The following MAGI3 variants were observed in gnomAD, a reference collection of about 807,000 sequenced individuals.
MAGI3 encodes membrane-associated guanylate kinase, WW and PDZ domain-containing protein 3.
Under a neutral mutation model 121.8 loss-of-function variants are expected in MAGI3, and 43 were observed. That is an observed-to-expected ratio of 0.35 (90% CI 0.28 to 0.46). The LOEUF is 0.46. Among genes scored for constraint, MAGI3 ranks in the 20% least tolerant of loss-of-function variants. MAGI3 has a pLI of 1.00. For synonymous variants in MAGI3, 553 were observed against 639.3 expected, an observed-to-expected ratio of 0.86 and a Z score of 2.04; for missense variants, 1,547 against 1,797.3, an observed-to-expected ratio of 0.86 and a Z score of 2.52.
At chr1:113,406,792 A>G (rs2101317864) in intron 1 of MAGI3, among the ~76,000 whole-genome samples, 1 of 152,252 alleles carries the variant, frequency 6.6e-6, no homozygotes, top group Non-Finnish European at 1.5e-5. Flanking sequence ...GGAGATAGGT[A>G]GAAAAAATGT....
chr1:113,430,962 G>A (rs1377556027), intron 1 of MAGI3, among the ~76,000 whole-genome samples: 1 of 152,110 alleles, frequency 6.6e-6, no homozygotes, highest in African/African-American at 2.4e-5. Context: ...GATTTAAAAA[G>A]GCATGACAAC....
chr1:113,569,474 T>A (rs1439498588), intron 2 of MAGI3, among the ~76,000 whole-genome samples: 9 of 152,186 alleles, frequency 5.9e-5, no homozygotes, highest in Non-Finnish European at 1.3e-4. Flanking sequence ...ATATTTTAAA[T>A]TAGGACCATT....
chr1:113,493,530 G>T (rs1336243522), intron 1 of MAGI3, among the ~76,000 whole-genome samples: 1 of 152,168 alleles, frequency 6.6e-6, no homozygotes, highest in Non-Finnish European at 1.5e-5. Flanking sequence ...TGACAAATGG[G>T]ATCTAATTAA....
intron 2 of MAGI3, among the ~76,000 whole-genome samples, chr1:113,550,206 C>G (rs1450684398): frequency 6.7e-6 from 1 of 149,364 alleles, no homozygotes; most frequent in Non-Finnish European, 1.5e-5. Flanking sequence ...GTCAGGAGAT[C>G]GAGACCATCT....
chr1:113,479,648 A>G (rs1482324679), intron 1 of MAGI3, among the ~76,000 whole-genome samples: 1 of 151,984 alleles, frequency 6.6e-6, no homozygotes, highest in Non-Finnish European at 1.5e-5. Flanking sequence ...TTTCTTCCAG[A>G]TTTGGGGTGG....
intron 1 of MAGI3, among the ~76,000 whole-genome samples, chr1:113,479,973 T>G (rs899427727): frequency 1.3e-5 from 2 of 152,206 alleles, no homozygotes; most frequent in African/African-American, 4.8e-5. Flanking sequence ...TTTTTTGATT[T>G]TTTTTATTTT....
At chr1:113,461,308 G>A (rs1242616218) in intron 1 of MAGI3, among the ~76,000 whole-genome samples, 3 of 152,064 alleles carry the variant, frequency 2.0e-5, no homozygotes, top group Non-Finnish European at 2.9e-5. Context: ...AGTGCCAGAG[G>A]CATCATGTTA....
At chr1:113,419,105 G>A (rs1188741470) in intron 1 of MAGI3, among the ~76,000 whole-genome samples, 3 of 152,038 alleles carry the variant, frequency 2.0e-5, no homozygotes, top group Admixed American at 6.6e-5. Flanking sequence ...AATGTAAATA[G>A]TTTACATGAT....
intron 2 of MAGI3, among the ~76,000 whole-genome samples, chr1:113,558,812 A>G (rs1008315548): frequency 2.6e-5 from 4 of 152,210 alleles, no homozygotes; most frequent in African/African-American, 9.7e-5. Context: ...GCACAGCCAG[A>G]GAGAAAGGCC....
rs566575227 is a variant in MAGI3, at chr1:113,668,878, G to A, written c.2816-2856G>A. ...ATTACAGGCGTGAGCCACCGCGCCC[G>A]GCCAAAAACATGTAACTTTAAAAGT... is the stretch of plus-strand genomic sequence containing the variant. On this transcript the variant is annotated intron_variant, in intron 16 of 20. Coordinates refer to ENST00000307546, the MANE Select transcript of MAGI3 (RefSeq NM_001142782.2). 4.6e-5 allele frequency among the ~76,000 whole-genome samples: 7 copies of A among 152,176 alleles called. No individual in the cohort carries two copies. In the South Asian group the frequency reaches 6.2e-4, roughly 14 times the overall value.
In MAGI3 at chr1:113,672,613, A is replaced by T; in HGVS notation, c.2919-2A>T. 1 of 1,612,146 alleles carries T rather than the reference A, an allele frequency of 6.2e-7. No homozygotes were observed. The highest frequency in any genetic ancestry group is 8.5e-7 in the Non-Finnish European group (1 of 1,179,236). The stretch of plus-strand genomic sequence containing the variant: ...GAGTGACTTGATTTCTCTCTCTTGT[A>T]GAAGTGCCCTAGAAGGTGAAATTGG... On this transcript the variant is annotated splice_acceptor_variant, in intron 17 of 20. Transcript: ENST00000307546. LOFTEE classifies it high-confidence loss of function.
rs376397111 is a variant in MAGI3, at chr1:113,682,948, A to T, written c.3380A>T (p.Gln1127Leu). 1 of 1,607,286 alleles carries T rather than the reference A, an allele frequency of 6.2e-7. No homozygotes were observed. Among genetic ancestry groups the T allele is most frequent in the Non-Finnish European group, 8.5e-7 (1 of 1,178,248 alleles). The change falls in exon 21 of 21, where the codon CAG (glutamine) becomes CTG (leucine). Residue 1127 changes from glutamine (Q) to leucine (L), a missense_variant. Physicochemically the swap from Gln to Leu is moderately radical, Grantham distance 113. Transcript: ENST00000307546. ...TCTTCAAATGTGATTTATGATGAAC[A>T]GTCACCATTACCCCCATCTTCACAT... ...PSSSNVIYDE[Q>L]SPLPPSSHFA...
intron 2 of MAGI3, among the ~76,000 whole-genome samples, chr1:113,575,211 T>C (rs1647549518): frequency 6.6e-6 from 1 of 152,184 alleles, no homozygotes; most frequent in Non-Finnish European, 1.5e-5. Flanking sequence ...ACTCATTCTC[T>C]GTCCAGTTTT....
rs1557868969 is a variant in MAGI3 at position 113,641,052 on chromosome 1, ATAT to A, written c.1361-855_1361-853del. On this transcript the variant is annotated intron_variant, in intron 9 of 20. Transcript: ENST00000307546. ...ATATGATATATATAATATATATGAT[ATAT>A]TATATATGATATATATAATATATAT... Among the ~76,000 whole-genome samples the A allele has an allele frequency of 4.0e-5, 4 of 100,900 alleles. No homozygotes were observed. The South Asian group carries it at 8.2e-4, about 21-fold the overall frequency. The allele number at this position is 100,900 out of a possible 152,430, so 66.2% of individuals were successfully genotyped here. A position where few individuals can be genotyped will look rare whatever the true frequency, so the allele number is the denominator to read the frequency against.
intron 7 of MAGI3, 64 bp downstream of exon 7, chr1:113,614,722 A>C (rs1650354632): frequency 8.8e-7 from 1 of 1,136,566 alleles, no homozygotes; most frequent in Non-Finnish European, 1.3e-6. Flanking sequence ...AGCTTTAGAG[A>C]ATACTGGATA....
rs1651484207 is a variant in MAGI3, at chr1:113,403,010, A to G, written c.316+11661A>G. 2.6e-5 allele frequency among the ~76,000 whole-genome samples: 4 copies of G among 152,064 alleles called. No individual in the cohort carries two copies. In the South Asian group the frequency reaches 8.3e-4, roughly 32 times the overall value. ...ACATGAAAAAATCTTTCTGCAATCCATTTACCACATACTCCTTTGCAATAT... is the reference window on the plus strand; with the variant it reads ...ACATGAAAAAATCTTTCTGCAATCCGTTTACCACATACTCCTTTGCAATAT... On this transcript the variant is annotated intron_variant, in intron 1 of 20. Transcript: ENST00000307546.
chr1:113,666,131 T>G (rs1177341672), intron 16 of MAGI3, among the ~76,000 whole-genome samples: 1 of 152,202 alleles, frequency 6.6e-6, no homozygotes, highest in Non-Finnish European at 1.5e-5. Context: ...GGGTCTTGCC[T>G]CGATGTTGAT....
intron 1 of MAGI3, among the ~76,000 whole-genome samples, chr1:113,489,016 T>C (rs1656541957): frequency 6.6e-6 from 1 of 152,164 alleles, no homozygotes; most frequent in Admixed American, 6.5e-5. Context: ...GAGACAGGCA[T>C]CCTGGCACCT....
intron 1 of MAGI3, among the ~76,000 whole-genome samples, chr1:113,409,911 A>G (rs1452697029): frequency 6.6e-6 from 1 of 152,156 alleles, no homozygotes; most frequent in Non-Finnish European, 1.5e-5. Flanking sequence ...GTGACCCCAA[A>G]TAACAGAATT....
Sources: allele counts gnomAD v4.1 joint callset (sites outside exome capture counted in the v4.1 genomes callset), GRCh38; gene constraint gnomAD v4.1.1; transcripts MANE v1.5; gene names NCBI Gene and HGNC (gene_info 2026-07-23, HGNC 2026-07-21).